The following KDM1A variants were observed in gnomAD, a reference collection of about 807,000 sequenced individuals.
KDM1A encodes the protein lysine-specific histone demethylase 1A.
A neutral mutation model predicts 109.4 loss-of-function variants in KDM1A; 49 were observed. That is an observed-to-expected ratio of 0.45 (90% CI 0.36 to 0.57). KDM1A has a LOEUF of 0.57. Ranked by LOEUF, KDM1A falls within the 20% of genes least tolerant of loss-of-function variation. KDM1A has a pLI of 0.00. For synonymous variants in KDM1A, 380 were observed against 415.4 expected, an observed-to-expected ratio of 0.91 and a Z score of 1.04; for missense variants, 668 against 1,116.6, an observed-to-expected ratio of 0.60 and a Z score of 5.73.
At chr1:23,041,865 G>T (rs1343245616) in intron 2 of KDM1A, among the ~76,000 whole-genome samples, 2 of 151,992 alleles carry the variant, frequency 1.3e-5, no homozygotes, top group Non-Finnish European at 2.9e-5. Context: ...TTTTTAAGAG[G>T]TTTTTTAATT....
chr1:23,019,678 G>C lies in KDM1A; in HGVS notation c.82G>C (p.Ala28Pro). 1 of 1,367,134 alleles carries C rather than the reference G, an allele frequency of 7.3e-7. No individual in the cohort carries two copies. The highest frequency in any genetic ancestry group is 1.8e-5 in the South Asian group (1 of 55,838). The allele number at this position is 1,367,134 out of a possible 1,614,324, so 84.7% of individuals were successfully genotyped here. ...CGGGACGGAGGCTGGCCCTGGGACAGCAGGCGGCTCCGAGAACGGGTCTGA... is the reference window on the plus strand; with the variant it reads ...CGGGACGGAGGCTGGCCCTGGGACACCAGGCGGCTCCGAGAACGGGTCTGA... ...ATGTEAGPGTAGGSENGSEVA... is the reference protein window; with the variant it reads ...ATGTEAGPGTPGGSENGSEVA... The change falls in exon 1 of 21, where the codon GCA (alanine) becomes CCA (proline). Residue 28 changes from alanine to proline, a missense_variant. Ala to Pro is a conservative substitution (Grantham distance 27, BLOSUM62 -1). Around this residue, in one of 8 missense-constraint regions of KDM1A, gnomAD observed 156 missense variants for 163.4 expected, o/e 0.95. Coordinates refer to ENST00000400181, the MANE Select transcript of KDM1A (RefSeq NM_001009999.3).
intron 20 of KDM1A, 59 bp from the exon 21 acceptor site, chr1:23,083,120 A>G: frequency 6.8e-7 from 1 of 1,475,224 alleles, no homozygotes; most frequent in Non-Finnish European, 9.3e-7. Context: ...TAGCAATTTA[A>G]GTACAAGAAT....
At chr1:23,048,044 A>G (rs183714621) in intron 3 of KDM1A, among the ~76,000 whole-genome samples, 2 of 152,340 alleles carry the variant, frequency 1.3e-5, no homozygotes, top group Non-Finnish European at 2.9e-5. Context: ...AATGTATAGA[A>G]GATAACATAG....
chr1:23,024,151 G>A (rs1445568804), intron 1 of KDM1A, among the ~76,000 whole-genome samples: 1 of 151,498 alleles, frequency 6.6e-6, no homozygotes, highest in African/African-American at 2.4e-5. Context: ...ACCCAACCAA[G>A]ATTTTTTTCT....
At chr1:23,025,998 G>A (rs1641787552) in intron 1 of KDM1A, among the ~76,000 whole-genome samples, 1 of 152,160 alleles carries the variant, frequency 6.6e-6, no homozygotes, top group African/African-American at 2.4e-5. Context: ...GGCTGAGGCA[G>A]GGGAATCACT....
At chr1:23,078,104 A>G (rs756963978) in intron 16 of KDM1A, among the ~76,000 whole-genome samples, 2 of 152,208 alleles carry the variant, frequency 1.3e-5, no homozygotes, top group South Asian at 2.1e-4. Flanking sequence ...ATAGCCATCA[A>G]TCTTACCCTG....
At chr1:23,032,859 A>G (rs1642028727) in intron 2 of KDM1A, among the ~76,000 whole-genome samples, 1 of 152,214 alleles carries the variant, frequency 6.6e-6, no homozygotes, top group African/African-American at 2.4e-5. Context: ...AAGCATTGCT[A>G]TATGACTATA....
At chr1:23,047,331 T>C (rs1284275335) in intron 3 of KDM1A, among the ~76,000 whole-genome samples, 1 of 152,204 alleles carries the variant, frequency 6.6e-6, no homozygotes, top group Non-Finnish European at 1.5e-5. Flanking sequence ...TGAGAGTTTT[T>C]AGAGACCATT....
At chr1:23,041,060 TA>T (rs993815762) in intron 2 of KDM1A, among the ~76,000 whole-genome samples, 3 of 152,168 alleles carry the variant, frequency 2.0e-5, no homozygotes, top group African/African-American at 7.2e-5. Flanking sequence ...AGCAGATGAA[TA>T]AGGGATTTTA....
rs201069091 is a variant in KDM1A, at chr1:23,063,198, G to GGC, written c.1168-2861_1168-2860insCG. On this transcript the variant is annotated intron_variant, in intron 9 of 20. Coordinates refer to ENST00000400181, the MANE Select transcript of KDM1A (RefSeq NM_001009999.3). ...AAATTCCCACAGTGCTGTAGCATTGGGGGGGGGGTGTGGTGTGGGGTGGGT... is the reference window on the plus strand; with the variant it reads ...AAATTCCCACAGTGCTGTAGCATTGGGCGGGGGGGGTGTGGTGTGGGGTGGGT... 1.8e-3 allele frequency among the ~76,000 whole-genome samples: 126 copies of GGC among 70,366 alleles called. 9 individuals are homozygous for GGC. The highest frequency in any genetic ancestry group is 7.9e-3 in the East Asian group (21 of 2,644). The allele number at this position is 70,366 out of a possible 152,430, so 46.2% of individuals were successfully genotyped here.
At chr1:23,048,422 T>A (rs1321743315) in intron 3 of KDM1A, among the ~76,000 whole-genome samples, 1 of 152,186 alleles carries the variant, frequency 6.6e-6, no homozygotes, top group African/African-American at 2.4e-5. Flanking sequence ...TTTACTATTT[T>A]TTTATTTTTT....
In KDM1A at chr1:23,019,575, G is replaced by A; in HGVS notation, c.-22G>A. 1 of 1,397,674 alleles carries A rather than the reference G, an allele frequency of 7.2e-7. No homozygotes were observed. The highest frequency in any genetic ancestry group is 1.7e-5 in the South Asian group (1 of 59,242). The allele number at this position is 1,397,674 out of a possible 1,614,324, so 86.6% of individuals were successfully genotyped here. On this transcript the variant is annotated 5_prime_UTR_variant, in exon 1 of 21. Transcript: ENST00000400181. The stretch of plus-strand genomic sequence containing the variant: ...GACAGAGCGAGCGGCCCCTACGGCC[G>A]TCGGCGGCCCGGCGGCCCGAGATGT...
In KDM1A at chr1:23,019,796, G is replaced by T. The variant is rs1230590449; in HGVS notation, c.200G>T (p.Arg67Leu). ...ERTPRKKEPPRASPPGGLAEP... is the reference protein window; with the variant it reads ...ERTPRKKEPPLASPPGGLAEP... The stretch of plus-strand genomic sequence containing the variant: ...ACACCCCGCAAGAAAGAGCCTCCGC[G>T]GGCCTCGCCCCCCGGGGGCCTGGCG... The change falls in exon 1 of 21, where the codon CGG (arginine) becomes CTG (leucine). Residue 67 changes from arginine (R) to leucine (L), a missense_variant. By Grantham distance (102) the Arg-to-Leu change is moderately radical. Coordinates refer to ENST00000400181, the MANE Select transcript of KDM1A (RefSeq NM_001009999.3). 3 of 1,385,106 alleles carry T rather than the reference G, an allele frequency of 2.2e-6. No homozygotes were observed. The Admixed American group carries it at 1.2e-4, about 54-fold the overall frequency. 85.8% of individuals were successfully genotyped at this position (1,385,106 alleles called of 1,614,324 possible). A position where few individuals can be genotyped will look rare whatever the true frequency, so the allele number is the denominator to read the frequency against.
intron 3 of KDM1A, among the ~76,000 whole-genome samples, chr1:23,046,303 G>C (rs1263681594): frequency 6.6e-6 from 1 of 151,938 alleles, no homozygotes; most frequent in South Asian, 2.1e-4. Context: ...TTCTCTTTTC[G>C]TTTTCTCTCT....
At position 23,072,183 on chromosome 1, in the gene KDM1A, A is replaced by G. The variant is rs1643339914; in HGVS notation, c.1608A>G (p.Glu536=). 1 of 1,610,386 alleles carries G rather than the reference A, an allele frequency of 6.2e-7. No homozygotes were observed. The highest frequency in any genetic ancestry group is 8.5e-7 in the Non-Finnish European group (1 of 1,177,750). The change falls in exon 14 of 21, where the codon GAA becomes GAG. Residue 536 remains glutamate, a synonymous_variant. Transcript: ENST00000400181. ...TAGAAGAAAAACTTCAGGAGTTGGA[A>G]GCGAATCCCCCAAGGTAAGGAAAAC... ...GKLEEKLQEL[E]ANPPSDVYLS...
intron 6 of KDM1A, among the ~76,000 whole-genome samples, 199 bp from the exon 7 acceptor site, chr1:23,055,733 C>G (rs145749600): frequency 6.6e-6 from 1 of 152,012 alleles, no homozygotes; most frequent in East Asian, 1.9e-4. Context: ...TATAAATGTT[C>G]GACACTGAAT....
intron 2 of KDM1A, among the ~76,000 whole-genome samples, chr1:23,034,132 A>G (rs1392487075): frequency 1.3e-5 from 2 of 152,086 alleles, no homozygotes; most frequent in Non-Finnish European, 2.9e-5. Flanking sequence ...TATGGTAGTC[A>G]AAATGGGTAA....
rs1643492916 is a variant in KDM1A at position 23,077,207 on chromosome 1, GTTC to G, written c.1735-18_1735-16del. On this transcript the variant is annotated intron_variant, in intron 15 of 20. Coordinates refer to ENST00000400181, the MANE Select transcript of KDM1A (RefSeq NM_001009999.3). ...CAGATTAATAAAAGGTTGGAAATATGTTCTTTTCTCTCCTCTTTAGGATGATGA... is the reference window on the plus strand; with the variant it reads ...CAGATTAATAAAAGGTTGGAAATATGTTTTCTCTCCTCTTTAGGATGATGA... 1 of 1,607,198 alleles carries G rather than the reference GTTC, an allele frequency of 6.2e-7. No homozygotes were observed. Among genetic ancestry groups the G allele is most frequent in the East Asian group, 2.2e-5 (1 of 44,656 alleles).
intron 2 of KDM1A, among the ~76,000 whole-genome samples, chr1:23,043,836 A>G (rs563513811): frequency 2.0e-5 from 3 of 151,846 alleles, no homozygotes; most frequent in East Asian, 3.9e-4. Flanking sequence ...AGTACTTGGC[A>G]CACACACACA....
Sources: allele counts gnomAD v4.1 joint callset (sites outside exome capture counted in the v4.1 genomes callset), GRCh38; gene constraint gnomAD v4.1.1; regional missense constraint gnomAD v4.1.1; transcripts MANE v1.5; gene names NCBI Gene and HGNC (gene_info 2026-07-23, HGNC 2026-07-21).